Variants in EYA4 observed in about 807,000 individuals in gnomAD.
EYA4 encodes the protein protein phosphatase EYA4.
EYA4 carries 31 observed loss-of-function variants against 87.9 expected under a neutral mutation model. The observed-to-expected ratio is 0.35, with a 90% CI of 0.27 to 0.48. EYA4 has a LOEUF of 0.48. EYA4 is among the 20% of genes least tolerant of loss of function. The pLI is 0.99. For synonymous variants in EYA4, 263 were observed against 270.6 expected (o/e 0.97, Z 0.28); for missense variants, 678 against 761.4 (o/e 0.89, Z 1.29).
Position 133,530,302 on chromosome 6 carries a change from T to C in EYA4, c.*1497T>C, listed in dbSNP as rs1047683363. On this transcript the variant is annotated 3_prime_UTR_variant, in exon 20 of 20. Transcript: ENST00000355286. ...GTCACTGCGCAACGGATGGCATTCA[T>C]TACAAGAAGAGCCCATCATCGTTGT... The C allele has an allele frequency of 3.0e-6, 3 of 985,338 alleles. No homozygotes were observed. The African/African-American group carries it at 5.2e-5, about 17-fold the overall frequency. 61.0% of individuals were successfully genotyped at this position (985,338 alleles called of 1,614,324 possible). A position where few individuals can be genotyped will look rare whatever the true frequency, so the allele number is the denominator to read the frequency against.
chr6:133,511,007 G>A (rs1799093139), intron 14 of EYA4, among the ~76,000 whole-genome samples: 1 of 152,176 alleles, frequency 6.6e-6, no homozygotes, highest in South Asian at 2.1e-4. Context: ...ACCCATACGT[G>A]TAGGTGGAGA....
intron 3 of EYA4, among the ~76,000 whole-genome samples, chr6:133,405,444 T>A (rs1045983934): frequency 1.1e-4 from 17 of 152,184 alleles, no homozygotes; most frequent in African/African-American, 4.1e-4. Context: ...TCTACTAACT[T>A]CTTTATTCTT....
intron 2 of EYA4, among the ~76,000 whole-genome samples, chr6:133,285,031 C>G (rs963302958): frequency 6.6e-6 from 1 of 151,338 alleles, no homozygotes; most frequent in Non-Finnish European, 1.5e-5. Flanking sequence ...GAGTCTCACT[C>G]TGTCCCCCAA....
At chr6:133,302,127 G>T (rs1397242832) in intron 2 of EYA4, among the ~76,000 whole-genome samples, 1 of 152,164 alleles carries the variant, frequency 6.6e-6, no homozygotes. Context: ...GCCTAGTGAA[G>T]GAGTTCTGGG....
At chr6:133,266,787 AGG>A (rs1776256358) in intron 1 of EYA4, among the ~76,000 whole-genome samples, 1 of 152,202 alleles carries the variant, frequency 6.6e-6, no homozygotes, top group African/African-American at 2.4e-5. Context: ...AAAATCTTTT[AGG>A]AAAGATTTTT....
intron 3 of EYA4, among the ~76,000 whole-genome samples, chr6:133,385,887 CA>C (rs1786707736): frequency 6.6e-6 from 1 of 152,116 alleles, no homozygotes; most frequent in African/African-American, 2.4e-5. Flanking sequence ...AGTACGGCAC[CA>C]AACTATCTTC....
At position 133,523,080 on chromosome 6, in the gene EYA4, A is replaced by G; in HGVS notation, c.1641A>G (p.Val547=). The change falls in exon 18 of 20, where the codon GTA becomes GTG. Residue 547 remains valine, a synonymous_variant. Coordinates refer to ENST00000355286, the MANE Select transcript of EYA4 (RefSeq NM_004100.5). ...STRSNCINVL[V]TTTQLIPALA... ...GGAGTAACTGCATAAATGTCTTGGT[A>G]ACGACAACTCAACTGATCCCAGCAC... 6.8e-6 allele frequency: 11 copies of G among 1,612,242 alleles called. No homozygotes were observed. The highest frequency in any genetic ancestry group is 9.3e-6 in the Non-Finnish European group (11 of 1,178,532).
chr6:133,410,552 T>G (rs1789119475), intron 3 of EYA4, among the ~76,000 whole-genome samples: 1 of 136,580 alleles, frequency 7.3e-6, no homozygotes, highest in Admixed American at 7.2e-5. Flanking sequence ...TATTCAAGAG[T>G]AAAGTTCATG....
At chr6:133,378,886 G>A (rs2128474737) in intron 2 of EYA4, among the ~76,000 whole-genome samples, 1 of 150,448 alleles carries the variant, frequency 6.6e-6, no homozygotes, top group African/African-American at 2.5e-5. Flanking sequence ...TTTATTTGCA[G>A]CAAGTTGCAT....
At chr6:133,332,456 C>T (rs536822695) in intron 2 of EYA4, among the ~76,000 whole-genome samples, 1 of 152,262 alleles carries the variant, frequency 6.6e-6, no homozygotes, top group South Asian at 2.1e-4. Context: ...TGTGCCTTCT[C>T]CTCGGCCTGC....
chr6:133,466,186 G>C (rs1444276706), intron 10 of EYA4, among the ~76,000 whole-genome samples: 1 of 152,076 alleles, frequency 6.6e-6, no homozygotes, highest in Non-Finnish European at 1.5e-5. Flanking sequence ...TATAATAACA[G>C]AAATATACAC....
intron 2 of EYA4, among the ~76,000 whole-genome samples, chr6:133,332,658 C>T (rs1339267370): frequency 6.6e-6 from 1 of 151,962 alleles, no homozygotes; most frequent in Non-Finnish European, 1.5e-5. Context: ...ATTCCCCTGC[C>T]TCAGCCTCCT....
chr6:133,474,042 C>T (rs1018115206), intron 11 of EYA4, among the ~76,000 whole-genome samples: 6 of 151,998 alleles, frequency 3.9e-5, no homozygotes, highest in African/African-American at 9.7e-5. Context: ...AGATATTTCA[C>T]GACCTCTTAT....
rs947992111 is a variant in EYA4 at position 133,364,873 on chromosome 6, C to T, written c.34-17519C>T. Among the ~76,000 whole-genome samples, 3 of 152,296 alleles carry T rather than the reference C, an allele frequency of 2.0e-5. 1 individual carries two copies. Among genetic ancestry groups the T allele is most frequent in the Middle Eastern group, 6.8e-3 (2 of 294 alleles). The stretch of plus-strand genomic sequence containing the variant: ...GCCTAATCTCCTCCTGGTTTGGACA[C>T]GTTAATAAGACAGTTGGGTCATTAA... On this transcript the variant is annotated intron_variant, in intron 2 of 19. Coordinates refer to ENST00000355286, the MANE Select transcript of EYA4 (RefSeq NM_004100.5).
intron 13 of EYA4, among the ~76,000 whole-genome samples, chr6:133,491,685 G>T (rs939927533): frequency 3.3e-5 from 5 of 151,994 alleles, no homozygotes; most frequent in Admixed American, 2.6e-4. Context: ...GGCGCAGTGG[G>T]TTATGCCTGT....
chr6:133,477,130 C>T (rs1795812373), intron 11 of EYA4, among the ~76,000 whole-genome samples: 1 of 152,094 alleles, frequency 6.6e-6, no homozygotes, highest in Admixed American at 6.6e-5. Flanking sequence ...CCATGCTCAA[C>T]TGAGTCAGCT....
At chr6:133,344,175 A>G (rs1015130272) in intron 2 of EYA4, among the ~76,000 whole-genome samples, 1 of 152,226 alleles carries the variant, frequency 6.6e-6, no homozygotes, top group Non-Finnish European at 1.5e-5. Context: ...GCACGGTTAT[A>G]TGCCAAGTCG....
intron 5 of EYA4, among the ~76,000 whole-genome samples, chr6:133,450,324 G>A (rs773053079): frequency 1.1e-4 from 16 of 152,152 alleles, no homozygotes; most frequent in Non-Finnish European, 1.8e-4. Flanking sequence ...TGGTGACACA[G>A]ACTAAGCATT....
chr6:133,344,814 C>T (rs939667520), intron 2 of EYA4, among the ~76,000 whole-genome samples: 2 of 152,004 alleles, frequency 1.3e-5, no homozygotes, highest in Non-Finnish European at 2.9e-5. Flanking sequence ...TTACTCATTC[C>T]ATCTTCAGTT....
Sources: gnomAD v4.1 joint callset for allele counts (sites outside exome capture counted in the v4.1 genomes callset) on GRCh38, gnomAD v4.1.1 for gene constraint, MANE v1.5 for transcripts, NCBI Gene and HGNC (gene_info 2026-07-23, HGNC 2026-07-21) for gene names.